The following ESR2 variants were observed in gnomAD, a reference collection of about 807,000 sequenced individuals.
ESR2 encodes the protein estrogen receptor 2, also known as estrogen receptor beta.
Under a neutral mutation model 49.6 loss-of-function variants are expected in ESR2, and 36 were observed. The observed-to-expected ratio is 0.73, with a 90% CI of 0.56 to 0.96. The LOEUF (loss-of-function observed/expected upper bound fraction) is 0.96, where lower values mean the gene tolerates loss of function less well. ESR2 is among the 40% of genes least tolerant of loss of function. ESR2 has a pLI of 0.00. For synonymous variants in ESR2, 320 were observed against 266.1 expected (o/e 1.20, Z -1.97); for missense variants, 714 against 693.0 (o/e 1.03, Z -0.34).
chr14:64,268,370 C>T (rs556841953), intron 4 of ESR2, among the ~76,000 whole-genome samples: 115 of 152,282 alleles, frequency 7.6e-4, no homozygotes, highest in Non-Finnish European at 1.3e-3. Flanking sequence ...ACCCCAGTAA[C>T]CCACAAGATA....
chr14:64,293,237 C>T (rs192879035), intron 1 of ESR2, among the ~76,000 whole-genome samples: 1 of 152,280 alleles, frequency 6.6e-6, no homozygotes, highest in East Asian at 1.9e-4. Flanking sequence ...AAATTACAAA[C>T]ATGTTTCCCC....
intron 1 of ESR2, among the ~76,000 whole-genome samples, chr14:64,316,731 C>T (rs1303186483): frequency 6.6e-6 from 1 of 152,066 alleles, no homozygotes; most frequent in Non-Finnish European, 1.5e-5. Context: ...ATCACTTGAA[C>T]CCAGAAGGTG....
intron 1 of ESR2, chr14:64,336,733 G>A (rs1473338213): frequency 6.6e-6 from 1 of 152,090 alleles, no homozygotes; most frequent in Non-Finnish European, 1.5e-5. Context: ...AAGAGGCAAG[G>A]TATTTAAAAA....
chr14:64,326,839 C>A (rs969301200), intron 1 of ESR2, among the ~76,000 whole-genome samples: 2 of 152,144 alleles, frequency 1.3e-5, no homozygotes, highest in South Asian at 2.1e-4. Flanking sequence ...GACCTTTAGG[C>A]CCCCCTTGCA....
At position 64,229,284 on chromosome 14, in the gene ESR2, A is replaced by T. The variant is rs552756829; in HGVS notation, c.*3853T>A. 1.1e-4 allele frequency among the ~76,000 whole-genome samples: 16 copies of T among 152,272 alleles called. No homozygotes were observed. The South Asian group carries it at 3.3e-3, about 32-fold the overall frequency. On this transcript the variant is annotated 3_prime_UTR_variant, in exon 9 of 9. Coordinates refer to ENST00000341099, the MANE Select transcript of ESR2 (RefSeq NM_001437.3). Reference sequence around the variant, plus strand: ...TGCTGCGACTCAGCTCACAAAGCAGATTCTCACAGAAGCAAGTCCTGGGGC... The same window carrying T: ...TGCTGCGACTCAGCTCACAAAGCAGTTTCTCACAGAAGCAAGTCCTGGGGC...
intron 7 of ESR2, among the ~76,000 whole-genome samples, chr14:64,239,103 G>C (rs2075667862): frequency 6.6e-6 from 1 of 152,216 alleles, no homozygotes; most frequent in African/African-American, 2.4e-5. Flanking sequence ...GCGTTTGCTT[G>C]TTTGCTTTGA....
chr14:64,319,707 C>T (rs568038666), intron 1 of ESR2, among the ~76,000 whole-genome samples: 1 of 152,214 alleles, frequency 6.6e-6, no homozygotes, highest in Admixed American at 6.5e-5. Flanking sequence ...TAGGGAACTG[C>T]AATTAAAACA....
chr14:64,233,974 G>C (rs1056358493), intron 8 of ESR2: 2 of 152,350 alleles, frequency 1.3e-5, no homozygotes, highest in African/African-American at 4.8e-5. Flanking sequence ...AAGGACACTT[G>C]TTGACAGTAT....
At chr14:64,273,503 T>C (rs544332302) in intron 3 of ESR2, among the ~76,000 whole-genome samples, 6 of 152,128 alleles carry the variant, frequency 3.9e-5, no homozygotes, top group Admixed American at 6.6e-5. Context: ...TTTTTAAGGG[T>C]TTTTATCATG....
At chr14:64,311,745 C>A (rs1441274233) in intron 1 of ESR2, among the ~76,000 whole-genome samples, 1 of 150,148 alleles carries the variant, frequency 6.7e-6, no homozygotes, top group African/African-American at 2.5e-5. Flanking sequence ...CTCAAGAGTT[C>A]AAGGCTGCAG....
At chr14:64,267,642 C>A (rs1050689512) in intron 4 of ESR2, among the ~76,000 whole-genome samples, 4 of 151,178 alleles carry the variant, frequency 2.6e-5, no homozygotes, top group Non-Finnish European at 5.9e-5. Context: ...TCTGGGAGGC[C>A]AAGGCAGGCA....
intron 1 of ESR2, chr14:64,330,943 TCAA>T (rs1010772265): frequency 7.1e-6 from 1 of 140,980 alleles, no homozygotes; most frequent in Non-Finnish European, 1.5e-5. Context: ...AAAAAAAAAA[TCAA>T]CAATAACAAA....
upstream of ESR2, among the ~76,000 whole-genome samples, chr14:64,295,910 G>A (rs891939681): frequency 6.6e-6 from 1 of 152,070 alleles, no homozygotes; most frequent in Non-Finnish European, 1.5e-5. Flanking sequence ...TGGACGTGGT[G>A]GCACATGCCA....
intron 8 of ESR2, chr14:64,233,602 T>C (rs984562677): frequency 1.3e-5 from 5 of 394,222 alleles, no homozygotes; most frequent in African/African-American, 2.0e-5. Context: ...TTATGTTCCG[T>C]AAAGTCACTG....
intron 2 of ESR2, among the ~76,000 whole-genome samples, 188 bp from the exon 3 acceptor site, chr14:64,280,341 C>T (rs926448679): frequency 2.6e-5 from 4 of 152,160 alleles, no homozygotes; most frequent in Non-Finnish European, 2.9e-5. Context: ...CAAAGAGCCA[C>T]GCTGTGGGGA....
chr14:64,292,081 C>G (rs1450967069), intron 1 of ESR2, among the ~76,000 whole-genome samples: 4 of 151,934 alleles, frequency 2.6e-5, no homozygotes, highest in Non-Finnish European at 4.4e-5. Flanking sequence ...ATCTATTAGC[C>G]CTATATGAAT....
intron 1 of ESR2, among the ~76,000 whole-genome samples, chr14:64,308,321 T>A (rs2077137219): frequency 6.6e-6 from 1 of 152,144 alleles, no homozygotes; most frequent in African/African-American, 2.4e-5. Flanking sequence ...GCCCCTATTT[T>A]CTAATATAGG....
At chr14:64,285,384 T>C (rs1302434666) in intron 1 of ESR2, among the ~76,000 whole-genome samples, 1 of 152,190 alleles carries the variant, frequency 6.6e-6, no homozygotes, top group African/African-American at 2.4e-5. Flanking sequence ...AAACCTGCTA[T>C]GTCCATTAAG....
chr14:64,325,408 A>G lies in ESR2; in HGVS notation c.-91+12490T>C, dbSNP rs140367779. 4.1e-3 allele frequency among the ~76,000 whole-genome samples: 632 copies of G among 152,336 alleles called. 2 individuals carry two copies. The highest frequency in any genetic ancestry group is 0.014 in the African/African-American group (601 of 41,578). On this transcript the variant is annotated intron_variant, in intron 1 of 8. Transcript: ENST00000358599. ...GAAAAAGAGGAAGGGAAGAGAAATT[A>G]TGAGCAGCATAGACTGGATCTGGGA... is the stretch of plus-strand genomic sequence containing the variant.
Sources: allele counts gnomAD v4.1 joint callset (sites outside exome capture counted in the v4.1 genomes callset), GRCh38; gene constraint gnomAD v4.1.1; transcripts MANE v1.5; gene names NCBI Gene and HGNC (gene_info 2026-07-23, HGNC 2026-07-21).